CHRM3: variants seen among roughly 807,000 people sequenced by gnomAD.
The protein encoded by CHRM3 is cholinergic receptor muscarinic 3.
Under a neutral mutation model 41.8 loss-of-function variants are expected in CHRM3, and 11 were observed. The observed-to-expected ratio is 0.26, with a 90% CI of 0.17 to 0.44. CHRM3 has a LOEUF of 0.44. Ranked by LOEUF, CHRM3 falls within the 20% of genes least tolerant of loss-of-function variation. The probability of loss-of-function intolerance (pLI) is 1.00; values close to 1 mark genes in which losing one functional copy is unlikely to be tolerated. For missense variants in CHRM3, 571 were observed against 745.4 expected (o/e 0.77, Z 2.72); for synonymous variants, 297 against 301.4 (o/e 0.99, Z 0.15).
At chr1:239,441,600 A>G (rs1010938322) in intron 1 of CHRM3, among the ~76,000 whole-genome samples, 1 of 152,226 alleles carries the variant, frequency 6.6e-6, no homozygotes, top group African/African-American at 2.4e-5. Context: ...GGACAAAACC[A>G]ACTGTTAGCA....
At chr1:239,447,239 C>A (rs193092675) in intron 1 of CHRM3, among the ~76,000 whole-genome samples, 1 of 151,584 alleles carries the variant, frequency 6.6e-6, no homozygotes, top group Admixed American at 6.6e-5. Flanking sequence ...TTAGAGATAA[C>A]AAAACAGGGG....
intron 2 of CHRM3, among the ~76,000 whole-genome samples, chr1:239,519,800 T>G (rs1298288346): frequency 7.5e-6 from 1 of 132,830 alleles, no homozygotes; most frequent in African/African-American, 2.9e-5. Flanking sequence ...CAGGCTAGAG[T>G]GCAGTGGCAC....
At chr1:239,731,977 C>A (rs1015522584) in intron 5 of CHRM3, among the ~76,000 whole-genome samples, 2 of 151,890 alleles carry the variant, frequency 1.3e-5, no homozygotes, top group African/African-American at 4.8e-5. Flanking sequence ...ACAATTAGGT[C>A]CAAACACAAT....
chr1:239,898,688 T>C (rs1276709779), intron 6 of CHRM3, among the ~76,000 whole-genome samples: 4 of 152,216 alleles, frequency 2.6e-5, no homozygotes, highest in Non-Finnish European at 5.9e-5. Flanking sequence ...CTCAAACATT[T>C]TTCCCAAGTA....
chr1:239,669,232 A>G (rs1674118838), intron 4 of CHRM3, among the ~76,000 whole-genome samples: 1 of 152,162 alleles, frequency 6.6e-6, no homozygotes, highest in African/African-American at 2.4e-5. Context: ...GGTAAAAATA[A>G]TTAAGTCCAA....
chr1:239,410,880 G>A (rs752814900), intron 1 of CHRM3, among the ~76,000 whole-genome samples: 4 of 152,158 alleles, frequency 2.6e-5, no homozygotes, highest in Admixed American at 6.5e-5. Flanking sequence ...TTCTGAGCAC[G>A]ATTTCATTTA....
intron 2 of CHRM3, among the ~76,000 whole-genome samples, chr1:239,500,131 G>T (rs79649704): frequency 2.0e-5 from 3 of 152,028 alleles, no homozygotes; most frequent in Non-Finnish European, 2.9e-5. Context: ...TAGCATGAAG[G>T]GTTGTTGAAT....
chr1:239,722,202 G>T (rs567731045), intron 5 of CHRM3, among the ~76,000 whole-genome samples: 7 of 151,890 alleles, frequency 4.6e-5, no homozygotes, highest in South Asian at 4.2e-4. Context: ...GTAGTCACCT[G>T]GAAAATGCTA....
At chr1:239,662,409 T>G (rs912378567) in intron 4 of CHRM3, among the ~76,000 whole-genome samples, 2 of 152,136 alleles carry the variant, frequency 1.3e-5, no homozygotes, top group African/African-American at 4.8e-5. Context: ...ACCCAAACGA[T>G]GTGGATGACA....
At chr1:239,486,398 A>G (rs1208474260) in intron 1 of CHRM3, among the ~76,000 whole-genome samples, 1 of 152,170 alleles carries the variant, frequency 6.6e-6, no homozygotes, top group Non-Finnish European at 1.5e-5. Flanking sequence ...ATCCAGTGTC[A>G]GTCCCTTTTA....
intron 6 of CHRM3, among the ~76,000 whole-genome samples, chr1:239,852,151 G>A (rs1248093495): frequency 6.6e-6 from 1 of 152,056 alleles, no homozygotes; most frequent in Non-Finnish European, 1.5e-5. Flanking sequence ...TTGTTGAAGG[G>A]GTGTAAAGGT....
intron 2 of CHRM3, among the ~76,000 whole-genome samples, chr1:239,496,616 G>A (rs999122045): frequency 6.6e-6 from 1 of 151,222 alleles, no homozygotes; most frequent in Non-Finnish European, 1.5e-5. Context: ...ATTATACCAG[G>A]AACTAATCTT....
At chr1:239,468,028 T>TA (rs1003938482) in intron 1 of CHRM3, among the ~76,000 whole-genome samples, 13 of 152,146 alleles carry the variant, frequency 8.5e-5, no homozygotes, top group Non-Finnish European at 1.8e-4. Context: ...ACATGGCCCT[T>TA]ACACTTTATT....
intron 2 of CHRM3, among the ~76,000 whole-genome samples, chr1:239,510,055 C>G (rs1668821238): frequency 6.6e-6 from 1 of 152,184 alleles, no homozygotes; most frequent in African/African-American, 2.4e-5. Context: ...TGCCACTGCA[C>G]TCCAGCCTGG....
At chr1:239,820,243 C>T (rs563286225) in intron 5 of CHRM3, among the ~76,000 whole-genome samples, 10 of 152,222 alleles carry the variant, frequency 6.6e-5, no homozygotes, top group Admixed American at 2.0e-4. Flanking sequence ...GGTGCACAGA[C>T]GCTTATACAT....
intron 1 of CHRM3, among the ~76,000 whole-genome samples, chr1:239,479,954 A>T (rs895543631): frequency 6.6e-6 from 1 of 152,184 alleles, no homozygotes; most frequent in Non-Finnish European, 1.5e-5. Flanking sequence ...TTAAAAATAA[A>T]GTAATTGTGC....
intron 3 of CHRM3, among the ~76,000 whole-genome samples, chr1:239,569,073 G>C (rs1661608396): frequency 6.6e-6 from 1 of 152,116 alleles, no homozygotes; most frequent in Admixed American, 6.5e-5. Flanking sequence ...GGAATCCATT[G>C]CTTTAATACT....
intron 5 of CHRM3, among the ~76,000 whole-genome samples, chr1:239,723,648 C>T (rs1663178192): frequency 6.6e-6 from 1 of 151,962 alleles, no homozygotes; most frequent in African/African-American, 2.4e-5. Flanking sequence ...TGTCTCACCA[C>T]ACTGATCATT....
At chr1:239,532,873 C>T (rs1657791143) in intron 2 of CHRM3, among the ~76,000 whole-genome samples, 1 of 152,108 alleles carries the variant, frequency 6.6e-6, no homozygotes, top group Admixed American at 6.6e-5. Context: ...AAAATATTAT[C>T]TATGTCTTTA....
Sources: allele counts gnomAD v4.1 joint callset (sites outside exome capture counted in the v4.1 genomes callset), GRCh38; gene constraint gnomAD v4.1.1; transcripts MANE v1.5; gene names NCBI Gene and HGNC (gene_info 2026-07-23, HGNC 2026-07-21).